Variants in COL5A2 observed in about 807,000 individuals in gnomAD.
COL5A2 encodes collagen alpha-2(V) chain.
Under a neutral mutation model 208.2 loss-of-function variants are expected in COL5A2, and 23 were observed. The ratio of observed to expected loss-of-function variants is 0.11; its 90% CI spans 0.08 to 0.16. COL5A2 has a LOEUF of 0.16. Ranked by LOEUF, COL5A2 falls within the 10% of genes least tolerant of loss-of-function variation. The probability of loss-of-function intolerance (pLI) is 1.00; values close to 1 mark genes in which losing one functional copy is unlikely to be tolerated. For missense variants in COL5A2, 1,590 were observed against 1,956.4 expected, an observed-to-expected ratio of 0.81 and a Z score of 3.53; for synonymous variants, 625 against 628.5, an observed-to-expected ratio of 0.99 and a Z score of 0.08.
chr2:189,136,603 G>A (rs1030563000), intron 1 of COL5A2, among the ~76,000 whole-genome samples: 4 of 151,046 alleles, frequency 2.6e-5, no homozygotes, highest in African/African-American at 4.8e-5. Context: ...TAAACACTAT[G>A]AAATTTTATG....
At chr2:189,184,619 C>T (rs769989145), upstream of COL5A2, among the ~76,000 whole-genome samples, 4 of 152,148 alleles carry the variant, frequency 2.6e-5, no homozygotes, top group Admixed American at 6.6e-5. Flanking sequence ...GACATGTCTT[C>T]GTTGTCACAT....
chr2:189,280,160 G>A, the COL5A2 span, among the ~76,000 whole-genome samples: 7 of 152,198 alleles, frequency 4.6e-5, no homozygotes, highest in Non-Finnish European at 8.8e-5. Context: ...GTGCGTATAA[G>A]TCACTCAGTT....
the COL5A2 span, among the ~76,000 whole-genome samples, chr2:189,241,082 A>G: frequency 6.6e-6 from 1 of 152,122 alleles, no homozygotes; most frequent in African/African-American, 2.4e-5. Flanking sequence ...TTCATCTTCA[A>G]TCTTCTATAA....
At chr2:189,369,297 C>T in the COL5A2 span, among the ~76,000 whole-genome samples, 2 of 152,090 alleles carry the variant, frequency 1.3e-5, no homozygotes, top group Admixed American at 6.6e-5. Context: ...TACCCTCCAA[C>T]AATCTTAAAG....
At chr2:189,439,379 C>T in the COL5A2 span, among the ~76,000 whole-genome samples, 19 of 152,146 alleles carry the variant, frequency 1.2e-4, no homozygotes, top group African/African-American at 4.3e-4. Context: ...TCTGGAAAAT[C>T]CTTTTCCTTC....
chr2:189,421,410 T>C, the COL5A2 span, among the ~76,000 whole-genome samples: 1 of 152,058 alleles, frequency 6.6e-6, no homozygotes, highest in Non-Finnish European at 1.5e-5. Flanking sequence ...CAGTACATGG[T>C]TATAGCATAA....
the COL5A2 span, among the ~76,000 whole-genome samples, chr2:189,417,456 G>C: frequency 6.8e-6 from 1 of 146,200 alleles, no homozygotes; most frequent in Non-Finnish European, 1.5e-5. Flanking sequence ...TTTCACATTT[G>C]GTTGACTATT....
intron 51 of COL5A2, among the ~76,000 whole-genome samples, chr2:189,037,953 G>T (rs141059395): frequency 8.1e-4 from 124 of 152,196 alleles, no homozygotes; most frequent in African/African-American, 2.8e-3. Flanking sequence ...AATATTTTAA[G>T]ATTTCTGGAT....
chr2:189,034,341 A>G (rs1559071034), intron 53 of COL5A2, 125 bp from the exon 54 acceptor site: 2 of 986,472 alleles, frequency 2.0e-6, no homozygotes, highest in Non-Finnish European at 3.1e-6. Flanking sequence ...CTTAAAAAAA[A>G]GGAATGAAAA....
chr2:189,318,428 C>T, the COL5A2 span, among the ~76,000 whole-genome samples: 1 of 152,246 alleles, frequency 6.6e-6, no homozygotes, highest in African/African-American at 2.4e-5. Context: ...TAGCCAACTC[C>T]CTCTACATGC....
the COL5A2 span, among the ~76,000 whole-genome samples, chr2:189,253,928 G>A: frequency 6.6e-6 from 1 of 152,194 alleles, no homozygotes; most frequent in African/African-American, 2.4e-5. Context: ...TCTCTTACAA[G>A]ATAAGTCTGA....
chr2:189,392,349 TTGACC>T, the COL5A2 span, among the ~76,000 whole-genome samples: 1 of 152,186 alleles, frequency 6.6e-6, no homozygotes, highest in Admixed American at 6.5e-5. Context: ...CATACTGACT[TTGACC>T]TTATCCTCTA....
At chr2:189,272,391 C>T in the COL5A2 span, among the ~76,000 whole-genome samples, 1 of 152,054 alleles carries the variant, frequency 6.6e-6, no homozygotes, top group Non-Finnish European at 1.5e-5. Flanking sequence ...AACCATCATT[C>T]TCATCAAGAT....
rs111664081 is a variant in COL5A2 at position 189,172,250 on chromosome 2, G to A, written c.97+7258C>T. Among the ~76,000 whole-genome samples the A allele has an allele frequency of 5.3e-5, 8 of 152,184 alleles. 1 individual carries two copies. Among genetic ancestry groups the A allele is most frequent in the African/African-American group, 1.7e-4 (7 of 41,516 alleles). On this transcript the variant is annotated intron_variant, in intron 1 of 53. Coordinates refer to ENST00000374866, the MANE Select transcript of COL5A2 (RefSeq NM_000393.5). ...GGAAAGAGCAGATAGAAAGGAAGTG[G>A]CTGAAGTTATAGAAAAGAGAGCATG...
At chr2:189,424,155 G>T in the COL5A2 span, among the ~76,000 whole-genome samples, 1 of 152,026 alleles carries the variant, frequency 6.6e-6, no homozygotes, top group Non-Finnish European at 1.5e-5. Flanking sequence ...ATATTTTAAT[G>T]ATTAAAAAAC....
At chr2:189,246,964 G>A in the COL5A2 span, among the ~76,000 whole-genome samples, 1 of 152,130 alleles carries the variant, frequency 6.6e-6, no homozygotes, top group Non-Finnish European at 1.5e-5. Flanking sequence ...CAAAGTTAAT[G>A]AATTTTAAAA....
chr2:189,233,289 G>C, the COL5A2 span, among the ~76,000 whole-genome samples: 5 of 151,688 alleles, frequency 3.3e-5, no homozygotes, highest in Non-Finnish European at 1.5e-5. Context: ...GGTTTTAAAT[G>C]CTTCCATTAA....
At chr2:189,201,687 T>A (rs1385678113) in intron 1 of COL5A2, among the ~76,000 whole-genome samples, 1 of 151,828 alleles carries the variant, frequency 6.6e-6, no homozygotes, top group East Asian at 1.9e-4. Flanking sequence ...CTGTAGCACA[T>A]CAAAGACAAA....
the COL5A2 span, among the ~76,000 whole-genome samples, chr2:189,381,168 C>T: frequency 2.0e-5 from 3 of 152,004 alleles, no homozygotes; most frequent in Non-Finnish European, 4.4e-5. Context: ...TCACCTTTCA[C>T]AGCAGAAATC....
Sources: allele counts gnomAD v4.1 joint callset (sites outside exome capture counted in the v4.1 genomes callset), GRCh38; gene constraint gnomAD v4.1.1; transcripts MANE v1.5; gene names NCBI Gene and HGNC (gene_info 2026-07-23, HGNC 2026-07-21).